Variants in CDCP1 observed in about 807,000 individuals in gnomAD.
The protein encoded by CDCP1 is CUB domain-containing protein 1.
Under a neutral mutation model 60.2 loss-of-function variants are expected in CDCP1, and 29 were observed. The ratio of observed to expected loss-of-function variants is 0.48; its 90% confidence interval spans 0.36 to 0.66. The LOEUF is 0.66. Ranked by LOEUF, CDCP1 falls within the 30% of genes least tolerant of loss-of-function variation. The pLI, the probability that CDCP1 is intolerant of heterozygous loss-of-function variation, is 0.00. For synonymous variants in CDCP1, 387 were observed against 431.1 expected, an observed-to-expected ratio of 0.90 and a Z score of 1.27; for missense variants, 876 against 1,074.3, an observed-to-expected ratio of 0.82 and a Z score of 2.58.
At chr3:45,142,639 T>C (rs1699310420) in intron 1 of CDCP1, among the ~76,000 whole-genome samples, 1 of 152,122 alleles carries the variant, frequency 6.6e-6, no homozygotes, top group Non-Finnish European at 1.5e-5. Flanking sequence ...TCCAAAGCCC[T>C]AAGAACCTCT....
intron 1 of CDCP1, among the ~76,000 whole-genome samples, chr3:45,126,427 C>T (rs573348595): frequency 6.6e-5 from 10 of 152,114 alleles, no homozygotes; most frequent in African/African-American, 1.7e-4. Flanking sequence ...ATAGTCACAT[C>T]GCCAAACTTG....
chr3:45,114,614 T>C (rs921838721), intron 2 of CDCP1, among the ~76,000 whole-genome samples: 2 of 152,112 alleles, frequency 1.3e-5, no homozygotes, highest in Admixed American at 6.6e-5. Flanking sequence ...GGTTTCACTA[T>C]GTTGACCAGG....
At chr3:45,114,187 T>C (rs1211181763) in intron 2 of CDCP1, among the ~76,000 whole-genome samples, 1 of 152,202 alleles carries the variant, frequency 6.6e-6, no homozygotes, top group Admixed American at 6.5e-5. Context: ...AGTCAGGTTA[T>C]GAAAGCAATT....
intron 2 of CDCP1, among the ~76,000 whole-genome samples, chr3:45,114,259 T>C (rs1698747338): frequency 6.6e-6 from 1 of 152,202 alleles, no homozygotes; most frequent in Admixed American, 6.5e-5. Flanking sequence ...GTAGTCAAAA[T>C]GATTGGCATG....
Position 45,086,087 on chromosome 3 carries a change from A to G in CDCP1, c.2082-20T>C. The G allele has an allele frequency of 6.2e-7, 1 of 1,607,644 alleles. No individual in the cohort carries two copies. Among genetic ancestry groups the G allele is most frequent in the Non-Finnish European group, 8.5e-7 (1 of 1,176,008 alleles). Reference sequence around the variant, plus strand: ...TTTTTCCTATTTGGAAAAATGGAACAAGACAGAAGTCAGAAAGGCAAGAAT... The same window carrying G: ...TTTTTCCTATTTGGAAAAATGGAACGAGACAGAAGTCAGAAAGGCAAGAAT... On this transcript the variant is annotated intron_variant, in intron 8 of 8. Coordinates refer to ENST00000296129, the MANE Select transcript of CDCP1 (RefSeq NM_022842.5).
intron 2 of CDCP1, 82 bp from the exon 3 acceptor site, chr3:45,112,527 G>A (rs1490744731): frequency 5.9e-6 from 9 of 1,536,236 alleles, no homozygotes; most frequent in South Asian, 1.3e-5. Context: ...TCAGCCCCCT[G>A]TAGTAGACTC....
intron 7 of CDCP1, among the ~76,000 whole-genome samples, chr3:45,089,407 A>G (rs927270627): frequency 6.6e-6 from 1 of 152,228 alleles, no homozygotes; most frequent in African/African-American, 2.4e-5. Flanking sequence ...TCTGAGAGAA[A>G]GCCAGCTACT....
At chr3:45,111,339 C>A (rs1490580424) in intron 3 of CDCP1, among the ~76,000 whole-genome samples, 1 of 152,168 alleles carries the variant, frequency 6.6e-6, no homozygotes, top group East Asian at 1.9e-4. Context: ...TTTTTTATAA[C>A]GGATCTGTTT....
At position 45,146,295 on chromosome 3, in the gene CDCP1, G is replaced by A. The variant is rs966601150; in HGVS notation, c.-8C>T. 6.4e-7 allele frequency: 1 copy of A among 1,565,090 alleles called. No individual in the cohort carries two copies. Among genetic ancestry groups the A allele is most frequent in the African/African-American group, 1.4e-5 (1 of 70,542 alleles). On this transcript the variant is annotated 5_prime_UTR_variant, in exon 1 of 9. Coordinates refer to ENST00000296129, the MANE Select transcript of CDCP1 (RefSeq NM_022842.5). ...GCAGTTCAGGCCGGCCATGACTCCG[G>A]GACGCCTCGGCCTCGGTGGGGAAAA...
rs1441768563 is a variant in CDCP1, at chr3:45,084,773, T to C, written c.*865A>G. On this transcript the variant is annotated 3_prime_UTR_variant, in exon 9 of 9. Coordinates refer to ENST00000296129, the MANE Select transcript of CDCP1 (RefSeq NM_022842.5). ...ATGCAGGGGGCCACTGTTTGGTATA[T>C]ATTTAAACATTTTTAGAGGATGAGA... The C allele has an allele frequency of 1.3e-5, 2 of 152,672 alleles. No homozygotes were observed. Among genetic ancestry groups the C allele is most frequent in the African/African-American group, 4.8e-5 (2 of 41,468 alleles). 9.5% of individuals were successfully genotyped at this position (152,672 alleles called of 1,614,324 possible). A position where few individuals can be genotyped will look rare whatever the true frequency, so the allele number is the denominator to read the frequency against.
At chr3:45,109,044 G>C (rs2125996386) in intron 4 of CDCP1, among the ~76,000 whole-genome samples, 1 of 147,700 alleles carries the variant, frequency 6.8e-6, no homozygotes. Flanking sequence ...CTGCCTTCTG[G>C]GTTCAAGCAA....
Position 45,112,457 on chromosome 3 carries a change from T to A in CDCP1, c.293-12A>T. The A allele has an allele frequency of 1.2e-6, 2 of 1,607,072 alleles. No homozygotes were observed. The highest frequency in any genetic ancestry group is 1.7e-6 in the Non-Finnish European group (2 of 1,175,220). On this transcript the variant is annotated splice_polypyrimidine_tract_variant and intron_variant, in intron 2 of 8. Coordinates refer to ENST00000296129, the MANE Select transcript of CDCP1 (RefSeq NM_022842.5). ...GCCTGACATACAGTCTGAAAAACAG[T>A]CACAGAAGCAATTTTGATCACAGAT...
Position 45,085,548 on chromosome 3 carries a change from C to T in CDCP1, c.*90G>A. ...TCCTGCTGTTCCTTCTGTATAATTC[C>T]TCTTCTTTAGGATTTCTGGTTAGGA... On this transcript the variant is annotated 3_prime_UTR_variant, in exon 9 of 9. Coordinates refer to ENST00000296129, the MANE Select transcript of CDCP1 (RefSeq NM_022842.5). This position sits in a 1 kb window ranked among gnomAD's most constrained non-coding sequence, Gnocchi z 4.2. 2.2e-6 allele frequency: 3 copies of T among 1,348,534 alleles called. No individual in the cohort carries two copies. The highest frequency in any genetic ancestry group is 3.1e-6 in the Non-Finnish European group (3 of 977,774). The allele number at this position is 1,348,534 out of a possible 1,614,324, so 83.5% of individuals were successfully genotyped here.
upstream of CDCP1, chr3:45,146,453 C>G (rs556663780): frequency 1.9e-6 from 1 of 523,146 alleles, no homozygotes; most frequent in South Asian, 3.1e-5. Flanking sequence ...TGACCCGGTG[C>G]GTCCCTCCTC....
Position 45,112,443 on chromosome 3 carries a change from A to C in CDCP1, c.295T>G (p.Cys99Gly), listed in dbSNP as rs1478708107. ...FVIEIQKNID[C>G]MSGPCPFGEV... is the part of the protein sequence containing the mutation. Reference sequence around the variant, plus strand: ...CCAAAAGGACATGGGCCTGACATACAGTCTGAAAAACAGTCACAGAAGCAA... The same window carrying C: ...CCAAAAGGACATGGGCCTGACATACCGTCTGAAAAACAGTCACAGAAGCAA... The change falls in exon 3 of 9, where the codon TGT (cysteine) becomes GGT (glycine). Residue 99 changes from cysteine to glycine, a missense_variant and splice_region_variant. By Grantham distance (159) the Cys-to-Gly change is radical (BLOSUM62 -3). Coordinates refer to ENST00000296129, the MANE Select transcript of CDCP1 (RefSeq NM_022842.5). 3.7e-6 allele frequency: 6 copies of C among 1,610,962 alleles called. No individual in the cohort carries two copies. The highest frequency in any genetic ancestry group is 5.1e-6 in the Non-Finnish European group (6 of 1,177,674).
At position 45,091,556 on chromosome 3, in the gene CDCP1, A is replaced by G; in HGVS notation, c.1628-18T>C. On this transcript the variant is annotated intron_variant, in intron 6 of 8. Transcript: ENST00000296129. This position sits in a 1 kb window ranked among gnomAD's most constrained non-coding sequence, Gnocchi z 4.8. ...GCCTTCCTCTGCAGGAAAGGGAGGG[A>G]GATCCAGACAGATGTTTCATTCAGT... 1.3e-6 allele frequency: 2 copies of G among 1,575,066 alleles called. No homozygotes were observed. The highest frequency in any genetic ancestry group is 1.7e-6 in the Non-Finnish European group (2 of 1,163,752).
intron 8 of CDCP1, 99 bp from the exon 9 acceptor site, chr3:45,086,166 C>T: frequency 1.0e-6 from 1 of 1,003,474 alleles, no homozygotes; most frequent in South Asian, 1.5e-5. Context: ...CTTTAGGGTT[C>T]TGACCATGTC....
chr3:45,131,011 C>T (rs554030226), intron 1 of CDCP1, among the ~76,000 whole-genome samples: 19 of 152,158 alleles, frequency 1.2e-4, no homozygotes, highest in South Asian at 1.0e-3. Flanking sequence ...GGACCACCAG[C>T]GAATGACACC....
Position 45,091,869 on chromosome 3 carries a change from C to A in CDCP1, c.1628-331G>T, listed in dbSNP as rs954517838. Reference sequence around the variant, plus strand: ...TGGCACGATCTCGGCTCACTGCAAACTGCAACCTCCACCTCTCAGGTTCAA... The same window carrying A: ...TGGCACGATCTCGGCTCACTGCAAAATGCAACCTCCACCTCTCAGGTTCAA... On this transcript the variant is annotated intron_variant, in intron 6 of 8. Coordinates refer to ENST00000296129, the MANE Select transcript of CDCP1 (RefSeq NM_022842.5). This position sits in a 1 kb window ranked among gnomAD's most constrained non-coding sequence, Gnocchi z 4.8. 6.6e-6 allele frequency among the ~76,000 whole-genome samples: 1 copy of A among 152,232 alleles called. No homozygotes were observed. Among genetic ancestry groups the A allele is most frequent in the African/African-American group, 2.4e-5 (1 of 41,460 alleles).
Sources: allele counts gnomAD v4.1 joint callset (sites outside exome capture counted in the v4.1 genomes callset), GRCh38; gene constraint gnomAD v4.1.1; non-coding constraint Gnocchi (gnomAD v3.1); transcripts MANE v1.5; gene names NCBI Gene and HGNC (gene_info 2026-07-23, HGNC 2026-07-21).